PKN2: variants seen among roughly 807,000 people sequenced by gnomAD.
PKN2 encodes the protein protein kinase N2, also known as serine/threonine-protein kinase N2.
Under a neutral mutation model 119.1 loss-of-function variants are expected in PKN2, and 38 were observed. That is an observed-to-expected ratio of 0.32 (90% CI 0.25 to 0.42). The LOEUF is 0.42. PKN2 is among the 10% of genes least tolerant of loss of function. The probability of loss-of-function intolerance (pLI) is 1.00; values close to 1 mark genes in which losing one functional copy is unlikely to be tolerated. For synonymous variants in PKN2, 390 were observed against 384.9 expected, an observed-to-expected ratio of 1.01 and a Z score of -0.15; for missense variants, 850 against 1,165.1, an observed-to-expected ratio of 0.73 and a Z score of 3.94.
At chr1:88,688,811 A>G (rs903387125) in intron 1 of PKN2, among the ~76,000 whole-genome samples, 3 of 152,328 alleles carry the variant, frequency 2.0e-5, no homozygotes, top group Non-Finnish European at 2.9e-5. Context: ...TGCGCAATAC[A>G]TTGATGAGAA....
At chr1:88,832,929 C>CT (rs1672790566) in intron 20 of PKN2, 78 bp downstream of exon 20, 1 of 1,200,250 alleles carries the variant, frequency 8.3e-7, no homozygotes, top group Admixed American at 2.3e-5. Flanking sequence ...CCCAGTAGAA[C>CT]TTTAAAAGCT....
chr1:88,816,830 T>C (rs1465623235), intron 16 of PKN2: 3 of 152,146 alleles, frequency 2.0e-5, no homozygotes, highest in African/African-American at 7.2e-5. Context: ...TAGAGAAGAT[T>C]AGCATGACCC....
At chr1:88,811,005 A>T (rs938075077) in intron 15 of PKN2, among the ~76,000 whole-genome samples, 1 of 152,216 alleles carries the variant, frequency 6.6e-6, no homozygotes, top group East Asian at 1.9e-4. Flanking sequence ...TTAATAAATC[A>T]TAGAAAATTT....
intron 1 of PKN2, among the ~76,000 whole-genome samples, chr1:88,729,295 A>G (rs1313721871): frequency 2.6e-5 from 4 of 152,256 alleles, no homozygotes; most frequent in African/African-American, 4.8e-5. Flanking sequence ...GCTTAGAGCT[A>G]TCATCATTTC....
Position 88,712,527 on chromosome 1 carries a change from C to T in PKN2, c.48+27899C>T, listed in dbSNP as rs1049789700. Among the ~76,000 whole-genome samples the T allele has an allele frequency of 1.1e-4, 16 of 152,176 alleles. No homozygotes were observed. The South Asian group carries it at 1.7e-3, about 16-fold the overall frequency. On this transcript the variant is annotated intron_variant, in intron 1 of 21. Transcript: ENST00000370521. ...ATGATTTTGCATACTACTAAAATTT[C>T]TTCAAGACAGTGAAGCATACTGTAT...
intron 1 of PKN2, among the ~76,000 whole-genome samples, chr1:88,713,513 T>A (rs1236769287): frequency 6.6e-6 from 1 of 152,236 alleles, no homozygotes; most frequent in Non-Finnish European, 1.5e-5. Context: ...TGATTTGCAT[T>A]TCTCTGCTGG....
intron 1 of PKN2, among the ~76,000 whole-genome samples, chr1:88,731,436 G>A (rs532019387): frequency 2.6e-5 from 4 of 152,022 alleles, no homozygotes; most frequent in South Asian, 2.1e-4. Context: ...ATAGATAAAC[G>A]GGTATTTCAG....
At chr1:88,828,370 C>G in intron 18 of PKN2, 111 bp from the exon 19 acceptor site, 1 of 825,134 alleles carries the variant, frequency 1.2e-6, no homozygotes, top group Non-Finnish European at 1.9e-6. Flanking sequence ...AATTTGTTCA[C>G]CATGCACAAA....
chr1:88,722,527 C>T (rs546105474), intron 1 of PKN2, among the ~76,000 whole-genome samples: 4 of 152,172 alleles, frequency 2.6e-5, no homozygotes, highest in African/African-American at 9.6e-5. Context: ...TTAAAAATAT[C>T]ACTTTGAGAG....
chr1:88,822,602 G>A (rs947574646), intron 17 of PKN2, among the ~76,000 whole-genome samples: 3 of 143,816 alleles, frequency 2.1e-5, no homozygotes, highest in South Asian at 4.4e-4. Context: ...TTTTTGAGAC[G>A]GAGTTTCGCT....
intron 6 of PKN2, among the ~76,000 whole-genome samples, chr1:88,775,557 A>G (rs1670058119): frequency 6.6e-6 from 1 of 152,174 alleles, no homozygotes; most frequent in African/African-American, 2.4e-5. Flanking sequence ...TTATGTATCA[A>G]GCTGTTATAA....
chr1:88,785,406 G>C (rs1210618212), intron 7 of PKN2, among the ~76,000 whole-genome samples: 2 of 152,156 alleles, frequency 1.3e-5, no homozygotes, highest in Non-Finnish European at 2.9e-5. Context: ...TTATAGGTGT[G>C]AGCCACCATC....
In PKN2 at chr1:88,784,676, C is replaced by G. The variant is rs201111346; in HGVS notation, c.1023C>G (p.Ile341Met). Residue 341 changes from isoleucine to methionine, a missense_variant, in exon 7 of 22, where the codon ATC becomes ATG. Coordinates refer to ENST00000370521, the MANE Select transcript of PKN2 (RefSeq NM_006256.4). ...TTCGTCTTATGGGCTGCCAAGATAT[C>G]CTAGAGAATGTCCCTGGACGGTCAA... is the stretch of plus-strand genomic sequence containing the variant. ...LEVRLMGCQD[I>M]LENVPGRSKA... The G allele has an allele frequency of 1.5e-4, 247 of 1,599,814 alleles. 2 individuals carry two copies. The highest frequency in any genetic ancestry group is 1.7e-4 in the Middle Eastern group (1 of 6,014).
rs985398253 is a variant in PKN2 at position 88,724,787 on chromosome 1, G to T, written c.49-16201G>T. ...CAGGGTTTCACCATGTTGGCCAGGT[G>T]GGTCTTGAACTCCTGACCTTGTGAT... On this transcript the variant is annotated intron_variant, in intron 1 of 21. Coordinates refer to ENST00000370521, the MANE Select transcript of PKN2 (RefSeq NM_006256.4). Among the ~76,000 whole-genome samples the T allele has an allele frequency of 2.0e-5, 3 of 151,164 alleles. No individual in the cohort carries two copies. In the South Asian group the frequency reaches 6.3e-4, roughly 32 times the overall value.
At chr1:88,761,375 T>C (rs538695094) in intron 3 of PKN2, among the ~76,000 whole-genome samples, 2 of 152,110 alleles carry the variant, frequency 1.3e-5, no homozygotes, top group African/African-American at 4.8e-5. Flanking sequence ...AAATAATTTC[T>C]TAATAAAAGT....
chr1:88,834,345 T>C lies in PKN2; in HGVS notation c.*897T>C, dbSNP rs1039414651. ...CAACCTAGTTCACCTTGGTTTTGTGTCTGCTGTAGAAGGGAACCATAACTT... is the reference window on the plus strand; with the variant it reads ...CAACCTAGTTCACCTTGGTTTTGTGCCTGCTGTAGAAGGGAACCATAACTT... On this transcript the variant is annotated 3_prime_UTR_variant, in exon 22 of 22. Transcript: ENST00000370521. 2.6e-5 allele frequency: 4 copies of C among 152,474 alleles called. No homozygotes were observed. Among genetic ancestry groups the C allele is most frequent in the Non-Finnish European group, 5.9e-5 (4 of 67,946 alleles). The allele number at this position is 152,474 out of a possible 1,614,324, so 9.4% of individuals were successfully genotyped here.
chr1:88,787,261 C>T (rs945917069), intron 8 of PKN2, among the ~76,000 whole-genome samples: 1 of 151,840 alleles, frequency 6.6e-6, no homozygotes, highest in African/African-American at 2.4e-5. Flanking sequence ...CCTTTCATTT[C>T]GAGCCTATTT....
chr1:88,795,122 T>C (rs1310344143), intron 8 of PKN2, among the ~76,000 whole-genome samples: 1 of 152,222 alleles, frequency 6.6e-6, no homozygotes, highest in Non-Finnish European at 1.5e-5. Context: ...ACTCCTTTGC[T>C]TTTGTTTTAT....
At chr1:88,746,198 A>C (rs972956575) in intron 2 of PKN2, among the ~76,000 whole-genome samples, 2 of 152,186 alleles carry the variant, frequency 1.3e-5, no homozygotes, top group South Asian at 4.1e-4. Flanking sequence ...ATAGAGGGAA[A>C]GCTCTATGAC....
Sources: allele counts gnomAD v4.1 joint callset (sites outside exome capture counted in the v4.1 genomes callset), GRCh38; gene constraint gnomAD v4.1.1; transcripts MANE v1.5; gene names NCBI Gene and HGNC (gene_info 2026-07-23, HGNC 2026-07-21).